The following VAV2 variants were observed in gnomAD, a reference collection of about 807,000 sequenced individuals.
VAV2 encodes guanine nucleotide exchange factor VAV2.
Under a neutral mutation model 132.5 loss-of-function variants are expected in VAV2, and 67 were observed. That is an observed-to-expected ratio of 0.51 (90% CI 0.42 to 0.62). The LOEUF is 0.62. VAV2 is among the 20% of genes least tolerant of loss of function. The pLI, the probability that VAV2 is intolerant of heterozygous loss-of-function variation, is 0.00. For synonymous variants in VAV2, 492 were observed against 443.5 expected, an observed-to-expected ratio of 1.11 and a Z score of -1.37; for missense variants, 938 against 1,153.6, an observed-to-expected ratio of 0.81 and a Z score of 2.71.
intron 1 of VAV2, among the ~76,000 whole-genome samples, chr9:133,951,787 T>C (rs1326942581): frequency 1.3e-5 from 2 of 152,176 alleles, no homozygotes; most frequent in African/African-American, 2.4e-5. Flanking sequence ...TTCCCCATTT[T>C]ACAGATGGGC....
At chr9:133,984,723 C>T (rs1480239210) in intron 1 of VAV2, among the ~76,000 whole-genome samples, 2 of 152,084 alleles carry the variant, frequency 1.3e-5, no homozygotes, top group Non-Finnish European at 1.5e-5. Flanking sequence ...GCATGGCCAA[C>T]GTGTCGAAGC....
intron 9 of VAV2, among the ~76,000 whole-genome samples, chr9:133,805,281 A>ACCCC (rs572449924): frequency 3.9e-5 from 6 of 152,044 alleles, no homozygotes; most frequent in Non-Finnish European, 7.4e-5. Flanking sequence ...CCAAGAGTGG[A>ACCCC]CCCCGGACAT....
Position 133,992,318 on chromosome 9 carries a change from C to T in VAV2, c.-40G>A, listed in dbSNP as rs368292098. ...CGACCGGCTCAGGGCAGTGCTCGAG[C>T]CAAAGTGCAGCGGCCGCGGGGCATC... On this transcript the variant is annotated 5_prime_UTR_variant, in exon 1 of 30. Transcript: ENST00000371850. The surrounding 1 kb of genome is among the most constrained non-coding windows in gnomAD (Gnocchi z 5.5). The T allele has an allele frequency of 7.8e-7, 1 of 1,287,572 alleles. No individual in the cohort carries two copies. The allele number at this position is 1,287,572 out of a possible 1,614,324, so 79.8% of individuals were successfully genotyped here. A position where few individuals can be genotyped will look rare whatever the true frequency, so the allele number is the denominator to read the frequency against.
chr9:133,915,704 A>G (rs201570351), intron 2 of VAV2, among the ~76,000 whole-genome samples: 1 of 69,890 alleles, frequency 1.4e-5, no homozygotes, highest in African/African-American at 3.8e-5. Flanking sequence ...CACACAATGC[A>G]CAGACGCACA....
At chr9:133,841,781 G>A (rs1309740504) in intron 3 of VAV2, among the ~76,000 whole-genome samples, 1 of 152,178 alleles carries the variant, frequency 6.6e-6, no homozygotes. Context: ...TGCAGAATGG[G>A]GGCCGGTAGT....
intron 1 of VAV2, among the ~76,000 whole-genome samples, chr9:133,990,841 C>G (rs1842991816): frequency 1.3e-5 from 2 of 152,110 alleles, no homozygotes; most frequent in Admixed American, 6.5e-5. Context: ...AGGGAGGCCT[C>G]TGAGGGCTCC....
rs763820189 is a variant in VAV2, at chr9:133,795,739, G to A, written c.1033-3C>T. 2 of 1,613,688 alleles carry A rather than the reference G, an allele frequency of 1.2e-6. No individual in the cohort carries two copies. The highest frequency in any genetic ancestry group is 4.5e-5 in the East Asian group (2 of 44,874). On this transcript the variant is annotated splice_region_variant and splice_polypyrimidine_tract_variant and intron_variant, in intron 11 of 29. Coordinates refer to ENST00000371850, the MANE Select transcript of VAV2 (RefSeq NM_001134398.2). ...TCCGCAGAATGGCTCAGAAGCTCCT[G>A]GAAGGGTGAGAAGAGTGTCATGTGT...
chr9:133,890,485 G>A (rs1838889294), intron 2 of VAV2, among the ~76,000 whole-genome samples: 2 of 152,118 alleles, frequency 1.3e-5, no homozygotes, highest in Admixed American at 6.5e-5. Flanking sequence ...GGGTCAAGGG[G>A]CCACGGCTCT....
At chr9:133,881,031 C>T (rs1838473103) in intron 2 of VAV2, among the ~76,000 whole-genome samples, 1 of 152,022 alleles carries the variant, frequency 6.6e-6, no homozygotes, top group Non-Finnish European at 1.5e-5. Flanking sequence ...CATACAGGGG[C>T]AGGTTCAGCA....
intron 3 of VAV2, among the ~76,000 whole-genome samples, chr9:133,856,175 T>C (rs541449363): frequency 2.0e-5 from 3 of 152,182 alleles, no homozygotes; most frequent in Non-Finnish European, 2.9e-5. Flanking sequence ...GGTTTCTTCC[T>C]GGGGTGTGAA....
At chr9:133,894,622 G>A (rs564903114) in intron 2 of VAV2, among the ~76,000 whole-genome samples, 5 of 152,294 alleles carry the variant, frequency 3.3e-5, no homozygotes, top group South Asian at 2.1e-4. Context: ...AGGAGGAGGA[G>A]GGGCCAGCCC....
At chr9:133,903,919 T>C (rs920597334) in intron 2 of VAV2, among the ~76,000 whole-genome samples, 3 of 152,160 alleles carry the variant, frequency 2.0e-5, no homozygotes, top group African/African-American at 7.2e-5. Context: ...AAGGGCAACT[T>C]ACAAGAACAT....
At chr9:133,849,006 G>A (rs1404809033) in intron 3 of VAV2, among the ~76,000 whole-genome samples, 1 of 152,162 alleles carries the variant, frequency 6.6e-6, no homozygotes, top group Non-Finnish European at 1.5e-5. Flanking sequence ...TTTCTTCTCA[G>A]TCTCTGAAAA....
At chr9:133,905,604 G>A (rs937687517) in intron 2 of VAV2, among the ~76,000 whole-genome samples, 1 of 152,102 alleles carries the variant, frequency 6.6e-6, no homozygotes, top group Admixed American at 6.6e-5. Flanking sequence ...CCAGCCTGGA[G>A]ACTGAAGCAG....
At chr9:133,828,723 TC>T (rs1836148351) in intron 4 of VAV2, among the ~76,000 whole-genome samples, 2 of 152,188 alleles carry the variant, frequency 1.3e-5, no homozygotes, top group South Asian at 4.1e-4. Context: ...CAATTCTGAT[TC>T]GTTACAAACA....
intron 3 of VAV2, 40 bp downstream of exon 3, chr9:133,861,334 G>C (rs1171662673): frequency 6.3e-7 from 1 of 1,587,328 alleles, no homozygotes; most frequent in Admixed American, 1.8e-5. Flanking sequence ...CGATGGAGAT[G>C]AAAGGACCCG....
chr9:133,851,900 GAT>G (rs1320361039), intron 3 of VAV2, among the ~76,000 whole-genome samples: 27 of 145,440 alleles, frequency 1.9e-4, no homozygotes, highest in African/African-American at 7.6e-4. Flanking sequence ...TGGATGGATG[GAT>G]GGATGGGTGG....
At chr9:133,838,846 G>C in intron 3 of VAV2, among the ~76,000 whole-genome samples, 1 of 129,070 alleles carries the variant, frequency 7.7e-6, no homozygotes, top group African/African-American at 3.2e-5. Flanking sequence ...TTGGTGGATG[G>C]ATGAATGGGT....
At chr9:133,813,460 G>A (rs566334594) in intron 4 of VAV2, among the ~76,000 whole-genome samples, 3 of 152,376 alleles carry the variant, frequency 2.0e-5, no homozygotes, top group Non-Finnish European at 2.9e-5. Flanking sequence ...GGGTTGGGGA[G>A]GACCATTCAA....
Sources: gnomAD v4.1 joint callset for allele counts (sites outside exome capture counted in the v4.1 genomes callset) on GRCh38, gnomAD v4.1.1 for gene constraint, Gnocchi (gnomAD v3.1) non-coding constraint, MANE v1.5 for transcripts, NCBI Gene and HGNC (gene_info 2026-07-23, HGNC 2026-07-21) for gene names.